Variants in TGM5 observed in about 807,000 individuals in gnomAD.
TGM5 encodes the protein protein-glutamine gamma-glutamyltransferase 5.
Under a neutral mutation model 77.2 loss-of-function variants are expected in TGM5, and 69 were observed. The ratio of observed to expected loss-of-function variants is 0.89; its 90% CI spans 0.74 to 1.09. The LOEUF is 1.09. Ranked by LOEUF, TGM5 falls within the 50% of genes least tolerant of loss-of-function variation. The pLI is 0.00. For synonymous variants in TGM5, 346 were observed against 351.8 expected, an observed-to-expected ratio of 0.98 and a Z score of 0.18; for missense variants, 842 against 896.5, an observed-to-expected ratio of 0.94 and a Z score of 0.78.
intron 6 of TGM5, among the ~76,000 whole-genome samples, chr15:43,248,915 T>G (rs1021166592): frequency 1.3e-5 from 2 of 152,210 alleles, no homozygotes; most frequent in African/African-American, 4.8e-5. Context: ...CAAAAAAGTA[T>G]TAAGCAGAGG....
At chr15:43,251,280 G>C (rs923809164) in intron 6 of TGM5, among the ~76,000 whole-genome samples, 1 of 151,646 alleles carries the variant, frequency 6.6e-6, no homozygotes, top group African/African-American at 2.4e-5. Context: ...AGTAATCTTG[G>C]GGCTTACTGA....
chr15:43,251,263 G>A (rs2042701269), intron 6 of TGM5, among the ~76,000 whole-genome samples: 2 of 151,954 alleles, frequency 1.3e-5, no homozygotes, highest in Admixed American at 1.3e-4. Context: ...CTCTGCAGCT[G>A]CAGAGGAGTA....
At chr15:43,260,774 G>A (rs1596452056) in intron 1 of TGM5, 195 bp from the exon 2 acceptor site, 3 of 694,996 alleles carry the variant, frequency 4.3e-6, no homozygotes, top group Admixed American at 2.1e-5. Flanking sequence ...CCATGCATGC[G>A]CTTTCCTCTT....
At chr15:43,264,815 T>C (rs1224263359) in intron 1 of TGM5, among the ~76,000 whole-genome samples, 1 of 152,224 alleles carries the variant, frequency 6.6e-6, no homozygotes, top group East Asian at 1.9e-4. Flanking sequence ...ATGAACCAAA[T>C]TGACTGTGCC....
Position 43,233,640 on chromosome 15 carries a change from T to C in TGM5, c.1923A>G (p.Ile641Met). The C allele has an allele frequency of 1.2e-6, 2 of 1,614,136 alleles. No homozygotes were observed. Among genetic ancestry groups the C allele is most frequent in the Non-Finnish European group, 1.7e-6 (2 of 1,180,026 alleles). ...VVNQPLSIQV[I>M]FSNPLSEQVE... ...CCTGCTCCGAGAGGGGGTTTGAAAA[T>C]ATCACCTGTATGGAGAGTGGCTGGT... Residue 641 changes from isoleucine to methionine, a missense_variant, in exon 12 of 13, where the codon ATA (isoleucine) becomes ATG (methionine). Ile to Met is a conservative substitution (Grantham distance 10, BLOSUM62 1). Coordinates refer to ENST00000220420, the MANE Select transcript of TGM5 (RefSeq NM_201631.4).
intron 6 of TGM5, among the ~76,000 whole-genome samples, chr15:43,243,247 G>C (rs2042650497): frequency 6.6e-6 from 1 of 152,192 alleles, no homozygotes; most frequent in Non-Finnish European, 1.5e-5. Context: ...ACAGGGCAAG[G>C]CCCATTTTGC....
intron 1 of TGM5, among the ~76,000 whole-genome samples, chr15:43,264,292 C>A (rs935412442): frequency 2.9e-4 from 44 of 151,822 alleles, no homozygotes; most frequent in African/African-American, 9.2e-4. Flanking sequence ...GGTATATACC[C>A]AAGATAAATG....
intron 1 of TGM5, among the ~76,000 whole-genome samples, chr15:43,262,137 C>A (rs919435205): frequency 6.6e-6 from 1 of 152,192 alleles, no homozygotes. Context: ...ACCTGTCCTC[C>A]AATACCTACC....
chr15:43,261,089 T>TTGTTTTTTGTTTTTTG (rs1566837512), intron 1 of TGM5, among the ~76,000 whole-genome samples: 1 of 119,272 alleles, frequency 8.4e-6, no homozygotes, highest in African/African-American at 3.4e-5. Context: ...TTTTTTTTTT[T>TTGTTTTTTGTTTTTTG]TTTTTTTTTT....
chr15:43,255,769 G>A (rs1423226995), intron 4 of TGM5, among the ~76,000 whole-genome samples: 1 of 152,174 alleles, frequency 6.6e-6, no homozygotes, highest in Non-Finnish European at 1.5e-5. Flanking sequence ...GCCTGGCACT[G>A]GACTTCCTGA....
At chr15:43,265,828 A>G (rs1052318932) in intron 1 of TGM5, among the ~76,000 whole-genome samples, 1 of 152,220 alleles carries the variant, frequency 6.6e-6, no homozygotes, top group East Asian at 1.9e-4. Context: ...ATTAGAAATT[A>G]CTTGCACTGA....
At chr15:43,238,745 C>T (rs1596441411) in intron 9 of TGM5, 72 bp downstream of exon 9, 2 of 1,587,620 alleles carry the variant, frequency 1.3e-6, no homozygotes, top group Non-Finnish European at 8.6e-7. Context: ...CGCAGATGCT[C>T]TCTGGCTCCC....
chr15:43,245,821 TG>T (rs962078396), intron 6 of TGM5, among the ~76,000 whole-genome samples: 1 of 149,512 alleles, frequency 6.7e-6, no homozygotes, highest in African/African-American at 2.5e-5. Context: ...AAGATGGCAC[TG>T]GGCAGTTGCC....
intron 3 of TGM5, among the ~76,000 whole-genome samples, chr15:43,258,510 G>A (rs2042759919): frequency 6.6e-6 from 1 of 152,206 alleles, no homozygotes; most frequent in African/African-American, 2.4e-5. Context: ...TGAGGGAAAG[G>A]TGCCCTCCTC....
chr15:43,256,792 CT>C, intron 3 of TGM5, 106 bp from the exon 4 acceptor site: 1 of 849,742 alleles, frequency 1.2e-6, no homozygotes, highest in Non-Finnish European at 2.0e-6. Context: ...GCAAGGGCCC[CT>C]GGCGACACCA....
rs866650731 is a variant in TGM5 at position 43,235,825 on chromosome 15, T to C, written c.1358A>G (p.Glu453Gly). The change falls in exon 10 of 13, where the codon GAG becomes GGG. Residue 453 changes from glutamate to glycine, a missense_variant. By Grantham distance (98) the Glu-to-Gly change is moderately conservative (BLOSUM62 -2). Transcript: ENST00000220420. ...CAGAGCCTTCAGAAACACCTGCCTC[T>C]CCTGGAGGGATCCTGAAGTTGGGGA... ...NYKYEEGSLQERQVFLKALQK... is the reference protein window; with the variant it reads ...NYKYEEGSLQGRQVFLKALQK... 12 of 1,613,834 alleles carry C rather than the reference T, an allele frequency of 7.4e-6. No individual in the cohort carries two copies. The highest frequency in any genetic ancestry group is 1.3e-5 in the African/African-American group (1 of 74,918).
At position 43,260,532 on chromosome 15, in the gene TGM5, G is replaced by T. The variant is rs763398483; in HGVS notation, c.58C>A (p.Arg20=). 1 of 1,614,072 alleles carries T rather than the reference G, an allele frequency of 6.2e-7. No individual in the cohort carries two copies. Among genetic ancestry groups the T allele is most frequent in the Non-Finnish European group, 8.5e-7 (1 of 1,179,974 alleles). ...TDLQSSRNNV[R]HHTEEITVDH... Reference sequence around the variant, plus strand: ...ACAGTGATCTCCTCCGTGTGGTGCCGCACATTATTTCTGGAGCTCTGGAGG... The same window carrying T: ...ACAGTGATCTCCTCCGTGTGGTGCCTCACATTATTTCTGGAGCTCTGGAGG... The change falls in exon 2 of 13, where the codon CGG becomes AGG. Residue 20 remains arginine, a synonymous_variant. Coordinates refer to ENST00000220420, the MANE Select transcript of TGM5 (RefSeq NM_201631.4).
chr15:43,262,294 TG>T (rs558292619), intron 1 of TGM5, among the ~76,000 whole-genome samples: 1 of 152,308 alleles, frequency 6.6e-6, no homozygotes, highest in East Asian at 1.9e-4. Context: ...GACCTACTAG[TG>T]TAAGGATTAG....
intron 6 of TGM5, among the ~76,000 whole-genome samples, chr15:43,246,561 C>T (rs1176355067): frequency 1.3e-5 from 2 of 152,200 alleles, no homozygotes; most frequent in African/African-American, 4.8e-5. Flanking sequence ...CTTCCTAGAG[C>T]AGCATCCAGG....
Sources: allele counts gnomAD v4.1 joint callset (sites outside exome capture counted in the v4.1 genomes callset), GRCh38; gene constraint gnomAD v4.1.1; transcripts MANE v1.5; gene names NCBI Gene and HGNC (gene_info 2026-07-23, HGNC 2026-07-21).